Variants in KYNU observed in about 807,000 individuals in gnomAD.
The protein encoded by KYNU is L-kynurenine hydrolase.
KYNU carries 54 observed loss-of-function variants against 59.2 expected under a neutral mutation model. The ratio of observed to expected loss-of-function variants is 0.91; its 90% CI spans 0.73 to 1.14. The LOEUF is 1.14. Ranked by LOEUF, KYNU falls within the 50% of genes most tolerant of loss-of-function variation. KYNU has a pLI of 0.00. For missense variants in KYNU, 567 were observed against 554.4 expected (o/e 1.02, Z -0.23); for synonymous variants, 177 against 192.0 (o/e 0.92, Z 0.65).
At chr2:142,940,956 G>T (rs896804832) in intron 4 of KYNU, among the ~76,000 whole-genome samples, 1 of 152,202 alleles carries the variant, frequency 6.6e-6, no homozygotes, top group African/African-American at 2.4e-5. Context: ...TGGAAGAGAT[G>T]CATAGGGCAT....
chr2:143,011,597 T>TA (rs1193746965), intron 10 of KYNU, among the ~76,000 whole-genome samples: 2 of 53,056 alleles, frequency 3.8e-5, no homozygotes, highest in Non-Finnish European at 6.4e-5. Context: ...CATGCTGCTA[T>TA]AAAGACACAT....
At chr2:142,920,154 G>C (rs1158263501) in intron 3 of KYNU, among the ~76,000 whole-genome samples, 1 of 152,170 alleles carries the variant, frequency 6.6e-6, no homozygotes, top group Non-Finnish European at 1.5e-5. Flanking sequence ...TAATTTTAGT[G>C]ATTAAGAACG....
intron 10 of KYNU, among the ~76,000 whole-genome samples, chr2:142,998,766 T>C (rs1685619733): frequency 6.6e-6 from 1 of 152,024 alleles, no homozygotes; most frequent in African/African-American, 2.4e-5. Context: ...TCTGACACTT[T>C]GGGAGGTTGA....
chr2:142,985,801 T>G, intron 9 of KYNU, 147 bp from the exon 10 acceptor site: 1 of 598,778 alleles, frequency 1.7e-6, no homozygotes, highest in Non-Finnish European at 3.0e-6. Flanking sequence ...TGACCTAAGC[T>G]TCTGTTTTAT....
At chr2:143,035,055 T>C (rs1686856723) in intron 12 of KYNU, among the ~76,000 whole-genome samples, 2 of 152,224 alleles carry the variant, frequency 1.3e-5, no homozygotes, top group Admixed American at 6.5e-5. Flanking sequence ...CCTACCACAC[T>C]GTATTAGAGT....
At chr2:142,952,235 C>G (rs1363091819) in intron 4 of KYNU, among the ~76,000 whole-genome samples, 1 of 152,038 alleles carries the variant, frequency 6.6e-6, no homozygotes, top group Non-Finnish European at 1.5e-5. Flanking sequence ...ACCACCACAT[C>G]CAGCTGTTTT....
At chr2:142,944,261 A>T (rs1365364158) in intron 4 of KYNU, among the ~76,000 whole-genome samples, 1 of 152,234 alleles carries the variant, frequency 6.6e-6, no homozygotes, top group Non-Finnish European at 1.5e-5. Flanking sequence ...TACAAGTCAC[A>T]TAATTAGAAG....
At chr2:142,979,864 G>A (rs1209839326) in intron 8 of KYNU, among the ~76,000 whole-genome samples, 1 of 152,094 alleles carries the variant, frequency 6.6e-6, no homozygotes, top group Non-Finnish European at 1.5e-5. Flanking sequence ...GAGGGTTCTT[G>A]GATCTCTCAC....
At chr2:143,011,299 A>G (rs1399543031) in intron 10 of KYNU, among the ~76,000 whole-genome samples, 3 of 124,404 alleles carry the variant, frequency 2.4e-5, no homozygotes, top group African/African-American at 3.6e-5. Context: ...GCAGCCAAAA[A>G]ACACATGAAA....
At chr2:142,938,317 A>G (rs1573812851) in intron 4 of KYNU, among the ~76,000 whole-genome samples, 1 of 152,232 alleles carries the variant, frequency 6.6e-6, no homozygotes, top group Non-Finnish European at 1.5e-5. Context: ...ATCCGAGTAT[A>G]ATTGAGCAAA....
At chr2:142,998,070 CT>C (rs1205165730) in intron 10 of KYNU, among the ~76,000 whole-genome samples, 1 of 152,132 alleles carries the variant, frequency 6.6e-6, no homozygotes, top group African/African-American at 2.4e-5. Context: ...AATATGTCTG[CT>C]TTTATTATTT....
rs1327580421 is a variant in KYNU at position 143,045,941 on chromosome 2, A to T, written c.*3769A>T. 1 of 152,196 alleles carries T rather than the reference A, an allele frequency of 6.6e-6. No individual in the cohort carries two copies. The highest frequency in any genetic ancestry group is 1.5e-5 in the Non-Finnish European group (1 of 68,026). 9.4% of individuals were successfully genotyped at this position (152,196 alleles called of 1,614,324 possible). A position where few individuals can be genotyped will look rare whatever the true frequency, so the allele number is the denominator to read the frequency against. ...TATAATGACAAATCATAATTTCTGA[A>T]GGGTATTAATTAGATGTTTGAGTGA... On this transcript the variant is annotated 3_prime_UTR_variant, in exon 14 of 14. Coordinates refer to ENST00000264170, the MANE Select transcript of KYNU (RefSeq NM_003937.3).
intron 10 of KYNU, among the ~76,000 whole-genome samples, chr2:143,012,307 C>G (rs1371312991): frequency 2.0e-5 from 3 of 151,802 alleles, no homozygotes; most frequent in Admixed American, 6.6e-5. Context: ...TATGACATAG[C>G]TCCATCTCTA....
intron 10 of KYNU, 76 bp downstream of exon 10, chr2:142,986,097 G>C: frequency 1.0e-6 from 1 of 1,004,164 alleles, no homozygotes; most frequent in South Asian, 1.3e-5. Context: ...ATTTACATGA[G>C]TTCCTTAAGA....
intron 10 of KYNU, among the ~76,000 whole-genome samples, chr2:142,986,853 C>G (rs1017423806): frequency 1.3e-5 from 2 of 151,820 alleles, no homozygotes; most frequent in Non-Finnish European, 2.9e-5. Flanking sequence ...GTGGTAAAAT[C>G]TTTACAAGAA....
intron 8 of KYNU, 112 bp downstream of exon 8, chr2:142,960,882 T>C: frequency 2.8e-6 from 3 of 1,056,310 alleles, no homozygotes; most frequent in Non-Finnish European, 2.7e-6. Context: ...TAAAACTATT[T>C]CAAAAGTTAA....
At chr2:142,892,407 A>C (rs1681744718) in intron 2 of KYNU, among the ~76,000 whole-genome samples, 1 of 152,230 alleles carries the variant, frequency 6.6e-6, no homozygotes, top group Non-Finnish European at 1.5e-5. Flanking sequence ...CAGCATTTGC[A>C]AACACACAAG....
chr2:142,959,845 A>T (rs1391097927), intron 7 of KYNU, among the ~76,000 whole-genome samples: 1 of 152,154 alleles, frequency 6.6e-6, no homozygotes, highest in African/African-American at 2.4e-5. Flanking sequence ...GGAGATTTTA[A>T]TCTTAATCTA....
At chr2:142,919,495 G>A (rs947544974) in intron 3 of KYNU, among the ~76,000 whole-genome samples, 5 of 152,162 alleles carry the variant, frequency 3.3e-5, no homozygotes, top group African/African-American at 9.7e-5. Flanking sequence ...TTGACAGTTA[G>A]GAAAACGTTT....
Sources: allele counts gnomAD v4.1 joint callset (sites outside exome capture counted in the v4.1 genomes callset), GRCh38; gene constraint gnomAD v4.1.1; transcripts MANE v1.5; gene names NCBI Gene and HGNC (gene_info 2026-07-23, HGNC 2026-07-21).